MECOM: variants seen among roughly 807,000 people sequenced by gnomAD.
MECOM encodes histone-lysine N-methyltransferase MECOM.
Under a neutral mutation model 116.3 loss-of-function variants are expected in MECOM, and 13 were observed. That is an observed-to-expected ratio of 0.11 (90% CI 0.07 to 0.18). The LOEUF is 0.18. Among genes scored for constraint, MECOM ranks in the 10% least tolerant of loss-of-function variants. MECOM has a pLI of 1.00. For synonymous variants in MECOM, 528 were observed against 535.2 expected, an observed-to-expected ratio of 0.99 and a Z score of 0.19; for missense variants, 1,299 against 1,509.0, an observed-to-expected ratio of 0.86 and a Z score of 2.31.
intron 1 of MECOM, among the ~76,000 whole-genome samples, chr3:169,557,114 A>G (rs995503238): frequency 3.3e-5 from 5 of 152,108 alleles, no homozygotes; most frequent in African/African-American, 1.2e-4. Flanking sequence ...TGTCTTAAAT[A>G]TGTATTCAAT....
intron 1 of MECOM, among the ~76,000 whole-genome samples, chr3:169,656,195 C>G (rs1043708803): frequency 6.6e-6 from 1 of 152,210 alleles, no homozygotes; most frequent in African/African-American, 2.4e-5. Flanking sequence ...TTTGAACAAC[C>G]TTGACATATA....
At chr3:169,382,213 C>T (rs1010245401) in intron 1 of MECOM, among the ~76,000 whole-genome samples, 2 of 151,978 alleles carry the variant, frequency 1.3e-5, no homozygotes, top group Admixed American at 1.3e-4. Context: ...AATTTTCCAG[C>T]GGGGAAAGGG....
At chr3:169,485,890 T>C (rs1752109162) in intron 1 of MECOM, among the ~76,000 whole-genome samples, 1 of 107,204 alleles carries the variant, frequency 9.3e-6, no homozygotes, top group Non-Finnish European at 2.0e-5. Context: ...TATATGTATA[T>C]ATAGTATATA....
intron 1 of MECOM, among the ~76,000 whole-genome samples, chr3:169,557,958 G>C (rs766931101): frequency 6.6e-6 from 1 of 152,200 alleles, no homozygotes; most frequent in Non-Finnish European, 1.5e-5. Context: ...ACTGTGAAAT[G>C]AAGTTATAAG....
At chr3:169,176,940 G>C (rs1031384114) in intron 2 of MECOM, among the ~76,000 whole-genome samples, 4 of 152,078 alleles carry the variant, frequency 2.6e-5, no homozygotes, top group Non-Finnish European at 5.9e-5. Context: ...CAGTCAGAAT[G>C]GCGATTATTT....
intron 2 of MECOM, among the ~76,000 whole-genome samples, chr3:169,336,175 A>G (rs1723560439): frequency 6.6e-6 from 1 of 152,092 alleles, no homozygotes. Flanking sequence ...GAAATCATAC[A>G]CTATTCTATG....
intron 1 of MECOM, among the ~76,000 whole-genome samples, chr3:169,524,464 A>T (rs1463468727): frequency 2.6e-5 from 4 of 152,234 alleles, no homozygotes; most frequent in Non-Finnish European, 1.5e-5. Flanking sequence ...TGGTGCAAGC[A>T]TGGACACTCT....
chr3:169,178,614 C>T (rs1455906959), intron 2 of MECOM, among the ~76,000 whole-genome samples: 1 of 152,164 alleles, frequency 6.6e-6, no homozygotes, highest in African/African-American at 2.4e-5. Flanking sequence ...TCACCAGCCC[C>T]ACATAATCTT....
At chr3:169,315,344 C>T (rs1293721393) in intron 2 of MECOM, among the ~76,000 whole-genome samples, 1 of 152,194 alleles carries the variant, frequency 6.6e-6, no homozygotes, top group African/African-American at 2.4e-5. Flanking sequence ...CTGTTTGGCT[C>T]TTTTCACACT....
intron 2 of MECOM, among the ~76,000 whole-genome samples, chr3:169,206,449 TGCAGAGTGTTTAAAAATTATGGCCAG>T (rs1258126893): frequency 6.6e-6 from 1 of 152,032 alleles, no homozygotes; most frequent in African/African-American, 2.4e-5. Flanking sequence ...AAAAATCACC[TGCAGAGTGTTTAAAAATTATGGCCAG>T]GCATGGTGGC....
chr3:169,146,218 AT>A, intron 2 of MECOM: 1 of 1,126,432 alleles, frequency 8.9e-7, no homozygotes, highest in Non-Finnish European at 1.1e-6. Flanking sequence ...AAAAAAAAAA[AT>A]CCCCACAATC....
At chr3:169,388,083 T>A (rs547989781) in intron 1 of MECOM, among the ~76,000 whole-genome samples, 1 of 152,072 alleles carries the variant, frequency 6.6e-6, no homozygotes, top group African/African-American at 2.4e-5. Context: ...GCGGAGGATG[T>A]GTGCCCTGCT....
At chr3:169,414,699 T>C (rs1024815757) in intron 1 of MECOM, among the ~76,000 whole-genome samples, 2 of 152,186 alleles carry the variant, frequency 1.3e-5, no homozygotes, top group Non-Finnish European at 2.9e-5. Flanking sequence ...AGTGATCTGA[T>C]GGAGCTGAAA....
chr3:169,584,950 A>G (rs1200138899), intron 1 of MECOM, among the ~76,000 whole-genome samples: 1 of 152,254 alleles, frequency 6.6e-6, no homozygotes, highest in African/African-American at 2.4e-5. Context: ...AGTGTTCAAG[A>G]ATCAAGTGCG....
At chr3:169,394,302 A>T (rs994987449) in intron 1 of MECOM, among the ~76,000 whole-genome samples, 1 of 152,204 alleles carries the variant, frequency 6.6e-6, no homozygotes, top group Non-Finnish European at 1.5e-5. Context: ...AGGACTTACA[A>T]TCTTGTTGGG....
intron 1 of MECOM, among the ~76,000 whole-genome samples, chr3:169,382,669 C>T (rs1560204636): frequency 6.6e-6 from 1 of 151,564 alleles, no homozygotes; most frequent in Non-Finnish European, 1.5e-5. Flanking sequence ...AAACAGACTT[C>T]GATCGAGCTA....
intron 2 of MECOM, among the ~76,000 whole-genome samples, chr3:169,338,361 C>T (rs1312812599): frequency 6.6e-6 from 1 of 152,102 alleles, no homozygotes; most frequent in African/African-American, 2.4e-5. Flanking sequence ...ATCGTAACTG[C>T]CTGTTTGCTT....
intron 13 of MECOM, among the ~76,000 whole-genome samples, chr3:169,094,624 C>T (rs1271077785): frequency 2.0e-5 from 3 of 152,136 alleles, no homozygotes; most frequent in African/African-American, 7.2e-5. Context: ...CAAAAATTAC[C>T]AAGAGAGGTT....
chr3:169,203,648 T>C (rs1030544548), intron 2 of MECOM, among the ~76,000 whole-genome samples: 11 of 152,130 alleles, frequency 7.2e-5, no homozygotes, highest in Non-Finnish European at 1.3e-4. Flanking sequence ...AGAGAATAAA[T>C]AGGACAAGCC....
Sources: gnomAD v4.1 joint callset for allele counts (sites outside exome capture counted in the v4.1 genomes callset) on GRCh38, gnomAD v4.1.1 for gene constraint, MANE v1.5 for transcripts, NCBI Gene and HGNC (gene_info 2026-07-23, HGNC 2026-07-21) for gene names.